The following CCSER1 variants were observed in gnomAD, a reference collection of about 807,000 sequenced individuals.
CCSER1 encodes coiled-coil serine rich protein 1, also known as serine-rich coiled-coil domain-containing protein 1.
A neutral mutation model predicts 82.0 loss-of-function variants in CCSER1; 41 were observed. The ratio of observed to expected loss-of-function variants is 0.50; its 90% CI spans 0.39 to 0.65. The LOEUF (loss-of-function observed/expected upper bound fraction) is 0.65. Ranked by LOEUF, CCSER1 falls within the 30% of genes least tolerant of loss-of-function variation. The pLI is 0.00. For missense variants in CCSER1, 1,119 were observed against 1,064.2 expected, an observed-to-expected ratio of 1.05 and a Z score of -0.72; for synonymous variants, 414 against 383.9, an observed-to-expected ratio of 1.08 and a Z score of -0.92.
intron 1 of CCSER1, among the ~76,000 whole-genome samples, chr4:90,220,186 T>C (rs1261352467): frequency 6.6e-6 from 1 of 152,166 alleles, no homozygotes; most frequent in Non-Finnish European, 1.5e-5. Context: ...GAAATTAAAC[T>C]TTATCATAGG....
chr4:90,258,913 G>T (rs1168889194), intron 1 of CCSER1, among the ~76,000 whole-genome samples: 1 of 152,126 alleles, frequency 6.6e-6, no homozygotes, highest in Non-Finnish European at 1.5e-5. Flanking sequence ...GTCTGGCAAT[G>T]TGATACCTCC....
At chr4:91,528,092 A>G (rs1362905876) in intron 10 of CCSER1, among the ~76,000 whole-genome samples, 1 of 151,766 alleles carries the variant, frequency 6.6e-6, no homozygotes, top group Non-Finnish European at 1.5e-5. Flanking sequence ...CTTTTTTTGT[A>G]GTATTATTAG....
In CCSER1 at chr4:90,491,575, G is replaced by A. The variant is rs555990811; in HGVS notation, c.1724+23221G>A. ...TATGTTGAATAGGAGTGGTGAGAGA[G>A]GGCATCCCTGTCTTGTGCCAGTTTT... On this transcript the variant is annotated intron_variant, in intron 5 of 10. Transcript: ENST00000509176. Among the ~76,000 whole-genome samples, 21 of 152,254 alleles carry A rather than the reference G, an allele frequency of 1.4e-4. No homozygotes were observed. In the South Asian group the frequency reaches 3.1e-3, roughly 23 times the overall value.
rs1560930387 is a variant in CCSER1, at chr4:90,276,310, T to TTC, written c.-41-31934_-41-31933insTC. Among the ~76,000 whole-genome samples the TTC allele has an allele frequency of 7.2e-4, 71 of 98,762 alleles. 1 individual carries two copies. Among genetic ancestry groups the TTC allele is most frequent in the South Asian group, 1.4e-3 (4 of 2,830 alleles). The allele number at this position is 98,762 out of a possible 152,430, so 64.8% of individuals were successfully genotyped here. The stretch of plus-strand genomic sequence containing the variant: ...TCCTTCCTTCCTTCCTTCCTTCCTT[T>TTC]CTTTCTTTTTCTTTCTTTCTTTCTT... On this transcript the variant is annotated intron_variant, in intron 1 of 10. Transcript: ENST00000509176.
intron 10 of CCSER1, among the ~76,000 whole-genome samples, chr4:91,125,685 G>A (rs1727446761): frequency 6.6e-6 from 1 of 151,288 alleles, no homozygotes; most frequent in African/African-American, 2.4e-5. Context: ...TCCAAAATAG[G>A]CCTATTTTAT....
intron 8 of CCSER1, among the ~76,000 whole-genome samples, chr4:90,850,913 C>T (rs1280199810): frequency 6.6e-6 from 1 of 152,164 alleles, no homozygotes; most frequent in Non-Finnish European, 1.5e-5. Context: ...ACCCAAATCT[C>T]ACCTTGAATT....
chr4:90,773,829 A>G (rs1354490761), intron 7 of CCSER1, among the ~76,000 whole-genome samples: 1 of 152,212 alleles, frequency 6.6e-6, no homozygotes, highest in East Asian at 1.9e-4. Context: ...AATAGCTCAC[A>G]TATTTAGAAG....
intron 4 of CCSER1, among the ~76,000 whole-genome samples, chr4:90,432,579 C>T (rs1758437567): frequency 6.7e-6 from 1 of 150,322 alleles, no homozygotes; most frequent in Admixed American, 6.7e-5. Flanking sequence ...TCCTTCTTTC[C>T]TCTCTCTCTC....
intron 5 of CCSER1, among the ~76,000 whole-genome samples, chr4:90,622,643 C>G (rs1269811979): frequency 6.6e-6 from 1 of 152,100 alleles, no homozygotes; most frequent in Non-Finnish European, 1.5e-5. Context: ...ATATGTGCCA[C>G]ATTTTCTTAA....
chr4:91,164,333 C>A (rs1196142566), intron 10 of CCSER1, among the ~76,000 whole-genome samples: 7 of 152,142 alleles, frequency 4.6e-5, no homozygotes, highest in Non-Finnish European at 1.0e-4. Flanking sequence ...TTGTGGGTAA[C>A]CCGACCTTTC....
At chr4:90,435,854 T>G (rs1758924647) in intron 4 of CCSER1, among the ~76,000 whole-genome samples, 1 of 151,208 alleles carries the variant, frequency 6.6e-6, no homozygotes, top group African/African-American at 2.5e-5. Flanking sequence ...TGGTGAATAC[T>G]TCAAAAAAAT....
intron 8 of CCSER1, among the ~76,000 whole-genome samples, chr4:90,916,152 T>C (rs1397880459): frequency 2.6e-5 from 4 of 152,104 alleles, no homozygotes; most frequent in East Asian, 3.9e-4. Context: ...CTCACAGAAT[T>C]GGAAAAAACT....
chr4:90,538,211 G>T (rs890425706), intron 5 of CCSER1, among the ~76,000 whole-genome samples: 1 of 151,926 alleles, frequency 6.6e-6, no homozygotes, highest in Non-Finnish European at 1.5e-5. Flanking sequence ...ATGGGGCTGG[G>T]GGTTGCAGCA....
chr4:90,394,658 G>A (rs1374515870), intron 3 of CCSER1, among the ~76,000 whole-genome samples: 3 of 151,984 alleles, frequency 2.0e-5, no homozygotes, highest in East Asian at 1.9e-4. Context: ...TTTTATATAA[G>A]TAAATTCTTT....
intron 6 of CCSER1, among the ~76,000 whole-genome samples, chr4:90,699,589 A>G (rs1032638949): frequency 2.0e-5 from 3 of 152,126 alleles, no homozygotes; most frequent in Non-Finnish European, 4.4e-5. Flanking sequence ...GACTATTCAG[A>G]AGTTTTCAGT....
At chr4:90,436,618 A>G (rs1407992442) in intron 4 of CCSER1, among the ~76,000 whole-genome samples, 1 of 152,208 alleles carries the variant, frequency 6.6e-6, no homozygotes, top group African/African-American at 2.4e-5. Flanking sequence ...AGATATGTTT[A>G]TAAGAATCCG....
chr4:90,585,830 C>T (rs1459871700), intron 5 of CCSER1, among the ~76,000 whole-genome samples: 1 of 152,106 alleles, frequency 6.6e-6, no homozygotes, highest in African/African-American at 2.4e-5. Flanking sequence ...ATTATTGATA[C>T]TACTGATAAA....
At chr4:90,606,386 C>T (rs1310798728) in intron 5 of CCSER1, among the ~76,000 whole-genome samples, 1 of 152,168 alleles carries the variant, frequency 6.6e-6, no homozygotes, top group Admixed American at 6.5e-5. Flanking sequence ...TGTACCTAAA[C>T]ATCCCTAGAC....
intron 8 of CCSER1, among the ~76,000 whole-genome samples, chr4:90,854,602 CT>C (rs1213780906): frequency 3.3e-5 from 5 of 152,174 alleles, no homozygotes; most frequent in Non-Finnish European, 5.9e-5. Context: ...GAATACTCCA[CT>C]TTTCCATCCT....
Sources: allele counts gnomAD v4.1 joint callset (sites outside exome capture counted in the v4.1 genomes callset), GRCh38; gene constraint gnomAD v4.1.1; transcripts MANE v1.5; gene names NCBI Gene and HGNC (gene_info 2026-07-23, HGNC 2026-07-21).